LRFN2: variants seen among roughly 807,000 people sequenced by gnomAD.
LRFN2 encodes the protein leucine rich repeat and fibronectin type III domain containing 2, also known as leucine-rich repeat and fibronectin type-III domain-containing protein 2.
In LRFN2, 18 loss-of-function variants were observed where a neutral mutation model predicts 37.3. The observed-to-expected ratio is 0.48, with a 90% CI of 0.33 to 0.72. The LOEUF (loss-of-function observed/expected upper bound fraction) is 0.72. LRFN2 is among the 30% of genes least tolerant of loss of function. LRFN2 has a pLI of 0.02. For synonymous variants in LRFN2, 556 were observed against 466.6 expected, an observed-to-expected ratio of 1.19 and a Z score of -2.47; for missense variants, 1,006 against 1,060.7, an observed-to-expected ratio of 0.95 and a Z score of 0.72.
At chr6:40,441,958 A>T (rs561724831) in intron 1 of LRFN2, among the ~76,000 whole-genome samples, 1 of 152,092 alleles carries the variant, frequency 6.6e-6, no homozygotes, top group Non-Finnish European at 1.5e-5. Flanking sequence ...ATGCCCAGGG[A>T]TGCATTTCCA....
rs753535572 is a variant in LRFN2, at chr6:40,391,985, C to A, written c.2328G>T (p.Gly776=). ...FEESDLVGAR[G]TFGSSEWVME... ...TCACCCATTCGGAGCTGCCAAAAGT[C>A]CCCCGGGCCCCCACCAGGTCACTCT... Residue 776 remains glycine, a synonymous_variant, in exon 3 of 3, where the codon GGG becomes GGT. Coordinates refer to ENST00000338305, the MANE Select transcript of LRFN2 (RefSeq NM_020737.3). The A allele has an allele frequency of 3.1e-6, 5 of 1,599,754 alleles. No homozygotes were observed. Among genetic ancestry groups the A allele is most frequent in the Non-Finnish European group, 4.3e-6 (5 of 1,172,692 alleles).
chr6:40,522,786 A>G (rs1354593400), intron 1 of LRFN2, among the ~76,000 whole-genome samples: 2 of 152,232 alleles, frequency 1.3e-5, no homozygotes, highest in Admixed American at 6.5e-5. Flanking sequence ...GGGACCCCAC[A>G]GGGGTTTCAA....
chr6:40,527,336 T>C (rs1766272495), intron 1 of LRFN2, among the ~76,000 whole-genome samples: 1 of 152,242 alleles, frequency 6.6e-6, no homozygotes, highest in Non-Finnish European at 1.5e-5. Context: ...TAATGTTCAA[T>C]GATGCTTACT....
Position 40,432,446 on chromosome 6 carries a change from G to A in LRFN2, c.668C>T (p.Ala223Val), listed in dbSNP as rs754713606. ...AAAGGGTGTGGCTGTCAAAGCCGAA[G>A]CCTGGGAGCGGGCAAAGATGGGATC... ...PPDPIFARSQ[A>V]SALTATPFAP... Residue 223 changes from alanine (A) to valine (V), a missense_variant, in exon 2 of 3, where the codon GCT becomes GTT. Coordinates refer to ENST00000338305, the MANE Select transcript of LRFN2 (RefSeq NM_020737.3). 9 of 1,614,214 alleles carry A rather than the reference G, an allele frequency of 5.6e-6. No homozygotes were observed. The South Asian group carries it at 9.9e-5, about 18-fold the overall frequency.
chr6:40,394,011 G>C (rs1260983512), intron 2 of LRFN2, among the ~76,000 whole-genome samples: 3 of 152,174 alleles, frequency 2.0e-5, no homozygotes, highest in African/African-American at 7.2e-5. Context: ...CCAGAGGAAA[G>C]GGACGATTCC....
chr6:40,479,639 G>T (rs908324256), intron 1 of LRFN2, among the ~76,000 whole-genome samples: 3 of 152,140 alleles, frequency 2.0e-5, no homozygotes, highest in Non-Finnish European at 4.4e-5. Context: ...CTAAAACAAC[G>T]TGAAGGAAGA....
chr6:40,475,868 A>G (rs1294304623), intron 1 of LRFN2, among the ~76,000 whole-genome samples: 1 of 152,194 alleles, frequency 6.6e-6, no homozygotes, highest in Non-Finnish European at 1.5e-5. Context: ...TTGGCCAAGG[A>G]TGCACAGCTA....
At chr6:40,399,897 C>G (rs1762703070) in intron 2 of LRFN2, among the ~76,000 whole-genome samples, 1 of 151,876 alleles carries the variant, frequency 6.6e-6, no homozygotes, top group Non-Finnish European at 1.5e-5. Flanking sequence ...TCAGCAGCAG[C>G]ACATCTTGGC....
At chr6:40,452,415 G>A (rs555515680) in intron 1 of LRFN2, among the ~76,000 whole-genome samples, 2 of 152,332 alleles carry the variant, frequency 1.3e-5, no homozygotes, top group East Asian at 3.9e-4. Flanking sequence ...AGTTAGCAAA[G>A]TCATGATAGC....
At chr6:40,580,939 G>A (rs1767386138) in intron 1 of LRFN2, among the ~76,000 whole-genome samples, 1 of 152,066 alleles carries the variant, frequency 6.6e-6, no homozygotes, top group South Asian at 2.1e-4. Flanking sequence ...GTGTGTATAA[G>A]TATATGTGTG....
chr6:40,457,984 G>C (rs1764269454), intron 1 of LRFN2, among the ~76,000 whole-genome samples: 1 of 152,172 alleles, frequency 6.6e-6, no homozygotes, highest in African/African-American at 2.4e-5. Context: ...TCATTAGCCT[G>C]GATTGTTTAG....
intron 2 of LRFN2, among the ~76,000 whole-genome samples, chr6:40,401,618 T>G (rs1397456665): frequency 1.2e-4 from 19 of 152,188 alleles, no homozygotes; most frequent in Admixed American, 1.2e-3. Flanking sequence ...ACAGGTTAGA[T>G]GAAGTGAGCC....
intron 1 of LRFN2, among the ~76,000 whole-genome samples, chr6:40,543,187 C>T (rs1198123895): frequency 6.6e-6 from 1 of 152,236 alleles, no homozygotes; most frequent in Non-Finnish European, 1.5e-5. Context: ...GCATGAACGC[C>T]TTCCGACTTA....
intron 1 of LRFN2, among the ~76,000 whole-genome samples, chr6:40,466,289 C>A (rs751184469): frequency 6.6e-6 from 1 of 152,138 alleles, no homozygotes; most frequent in Non-Finnish European, 1.5e-5. Context: ...GCAGGAGAAC[C>A]TATAAATGCG....
chr6:40,547,242 C>T (rs1413046185), intron 1 of LRFN2, among the ~76,000 whole-genome samples: 3 of 151,868 alleles, frequency 2.0e-5, no homozygotes, highest in Non-Finnish European at 1.5e-5. Flanking sequence ...GTAGCTGGGA[C>T]TACAGGTGCA....
At chr6:40,455,131 G>C (rs143298454) in intron 1 of LRFN2, among the ~76,000 whole-genome samples, 1 of 152,198 alleles carries the variant, frequency 6.6e-6, no homozygotes, top group Non-Finnish European at 1.5e-5. Flanking sequence ...GAAATAAAAT[G>C]TATACCTCTT....
At chr6:40,488,585 C>T (rs1340798809) in intron 1 of LRFN2, among the ~76,000 whole-genome samples, 1 of 152,200 alleles carries the variant, frequency 6.6e-6, no homozygotes, top group African/African-American at 2.4e-5. Context: ...CATTCTGTCC[C>T]TTGACCAAGC....
intron 1 of LRFN2, among the ~76,000 whole-genome samples, chr6:40,496,259 T>C (rs1765223794): frequency 6.6e-6 from 1 of 152,150 alleles, no homozygotes; most frequent in Non-Finnish European, 1.5e-5. Context: ...CACATTAATC[T>C]TCTAATTTAT....
At chr6:40,480,698 C>A (rs1764808374) in intron 1 of LRFN2, among the ~76,000 whole-genome samples, 1 of 152,164 alleles carries the variant, frequency 6.6e-6, no homozygotes, top group Admixed American at 6.5e-5. Context: ...TCTCTTATTT[C>A]TCTGGGCCCC....
Sources: allele counts gnomAD v4.1 joint callset (sites outside exome capture counted in the v4.1 genomes callset), GRCh38; gene constraint gnomAD v4.1.1; transcripts MANE v1.5; gene names NCBI Gene and HGNC (gene_info 2026-07-23, HGNC 2026-07-21).